CLGN: variants seen among roughly 807,000 people sequenced by gnomAD.
The protein encoded by CLGN is calmegin, also known as testis tissue sperm-binding protein Li 79P.
In CLGN, 62 loss-of-function variants were observed where a neutral mutation model predicts 79.1. That is an observed-to-expected ratio of 0.78 (90% confidence interval 0.64 to 0.97). CLGN has a LOEUF of 0.97. CLGN is among the 50% of genes least tolerant of loss of function. CLGN has a pLI of 0.00. For synonymous variants in CLGN, 225 were observed against 224.7 expected (o/e 1.00, Z -0.01); for missense variants, 647 against 715.5 (o/e 0.90, Z 1.09).
At position 140,396,212 on chromosome 4, in the gene CLGN, A is replaced by G. The variant is rs745489771; in HGVS notation, c.885-7T>C. 2.5e-5 allele frequency: 40 copies of G among 1,594,902 alleles called. No individual in the cohort carries two copies. The highest frequency in any genetic ancestry group is 1.3e-4 in the Admixed American group (8 of 59,944). On this transcript the variant is annotated splice_polypyrimidine_tract_variant and splice_region_variant and intron_variant, in intron 8 of 14. Transcript: ENST00000325617. Reference sequence around the variant, plus strand: ...GGCAGGTTCACTTTCATCCCTGTAAATACAACGTTTTATATTACTAATTAT... The same window carrying G: ...GGCAGGTTCACTTTCATCCCTGTAAGTACAACGTTTTATATTACTAATTAT...
At chr4:140,391,279 C>T (rs1027801267) in intron 13 of CLGN, among the ~76,000 whole-genome samples, 3 of 151,712 alleles carry the variant, frequency 2.0e-5, no homozygotes, top group Admixed American at 6.6e-5. Context: ...ACTTCTTCTA[C>T]GTAGTTCCAA....
chr4:140,412,885 A>G (rs1435963152), intron 2 of CLGN, 50 bp downstream of exon 2: 1 of 1,502,124 alleles, frequency 6.7e-7, no homozygotes, highest in South Asian at 1.2e-5. Flanking sequence ...CAATCACTTC[A>G]TTGTACTATG....
intron 1 of CLGN, among the ~76,000 whole-genome samples, chr4:140,419,634 G>C (rs1729423309): frequency 6.6e-6 from 1 of 152,022 alleles, no homozygotes; most frequent in Non-Finnish European, 1.5e-5. Flanking sequence ...AACAAATATA[G>C]GGCTTATTGT....
At chr4:140,395,439 C>T (rs2126615870) in intron 10 of CLGN, among the ~76,000 whole-genome samples, 1 of 152,196 alleles carries the variant, frequency 6.6e-6, no homozygotes, top group Middle Eastern at 3.4e-3. Context: ...AGCCACCGTA[C>T]CTGGCCAAAA....
rs572182415 is a variant in CLGN at position 140,399,134 on chromosome 4, G to T, written c.695-94C>A. ...AATGTAACTACCCTTAACTCCATGG[G>T]TAAAGCTTTTTTCCCAACCAGAAAT... On this transcript the variant is annotated intron_variant, in intron 7 of 14. Transcript: ENST00000325617. The T allele has an allele frequency of 3.7e-5, 38 of 1,025,130 alleles. No homozygotes were observed. The Middle Eastern group carries it at 1.2e-3, about 32-fold the overall frequency. 63.5% of individuals were successfully genotyped at this position (1,025,130 alleles called of 1,614,324 possible).
chr4:140,416,518 A>G (rs1729335655), intron 1 of CLGN, among the ~76,000 whole-genome samples: 1 of 152,146 alleles, frequency 6.6e-6, no homozygotes, highest in Non-Finnish European at 1.5e-5. Context: ...GATAAAGGGG[A>G]TATCACCACT....
intron 5 of CLGN, among the ~76,000 whole-genome samples, chr4:140,405,409 C>T (rs1279664653): frequency 2.0e-5 from 3 of 151,364 alleles, no homozygotes; most frequent in Admixed American, 6.6e-5. Flanking sequence ...TGGTCTCGAT[C>T]TCCTGACCTC....
intron 8 of CLGN, among the ~76,000 whole-genome samples, 164 bp downstream of exon 8, chr4:140,398,682 AGGGAG>A (rs950307933): frequency 3.9e-5 from 6 of 152,202 alleles, no homozygotes; most frequent in African/African-American, 1.4e-4. Flanking sequence ...AAAAAATTAC[AGGGAG>A]GGAAGTGTAA....
Position 140,393,971 on chromosome 4 carries a change from G to T in CLGN, c.1220C>A (p.Ser407Tyr). Residue 407 changes from serine (S) to tyrosine (Y), a missense_variant, in exon 11 of 15, where the codon TCT becomes TAT. By Grantham distance (144) the Ser-to-Tyr change is moderately radical. Coordinates refer to ENST00000325617, the MANE Select transcript of CLGN (RefSeq NM_004362.3). ...AAGCTCTAAACCAAGAGCACTGAAA[G>T]AAGTCAGAAGAAATGGATGATCATC... ...FEDDHPFLLT[S>Y]FSALGLELWS... 3.1e-6 allele frequency: 5 copies of T among 1,613,716 alleles called. No homozygotes were observed. The highest frequency in any genetic ancestry group is 4.2e-6 in the Non-Finnish European group (5 of 1,179,760).
At chr4:140,396,922 T>TATAC (rs1392951564) in intron 8 of CLGN, among the ~76,000 whole-genome samples, 14 of 127,788 alleles carry the variant, frequency 1.1e-4, no homozygotes, top group African/African-American at 4.4e-4. Flanking sequence ...TATATATATA[T>TATAC]ACACATATAT....
chr4:140,392,311 T>A lies in CLGN; in HGVS notation c.1559A>T (p.Glu520Val), dbSNP rs1184914620. Residue 520 changes from glutamate (E) to valine (V), a missense_variant, in exon 13 of 15, where the codon GAG becomes GTG. Transcript: ENST00000325617. ...ICIPQTKGVL[E>V]QEEKEEKAAL... ...TGCTTTCTCTTCCTTTTCTTCTTGC[T>A]CTAGTACTCCTTTTGTTTGTGGTAT... 2 of 1,613,392 alleles carry A rather than the reference T, an allele frequency of 1.2e-6. No individual in the cohort carries two copies. Among genetic ancestry groups the A allele is most frequent in the Non-Finnish European group, 1.7e-6 (2 of 1,179,596 alleles).
In CLGN at chr4:140,425,927, C is replaced by A. The variant is rs576710035; in HGVS notation, c.-10+1610G>T. Among the ~76,000 whole-genome samples, 108 of 152,230 alleles carry A rather than the reference C, an allele frequency of 7.1e-4. 1 individual carries two copies. The highest frequency in any genetic ancestry group is 6.7e-3 in the Admixed American group (102 of 15,294). ...TACAAGCGTGAGCCACCGCGCCGGG[C>A]CTTCTTTCACTCTCAACACACCTAT... On this transcript the variant is annotated intron_variant, in intron 1 of 14. Transcript: ENST00000325617.
chr4:140,393,290 TGTAAG>T (rs976509467), intron 11 of CLGN, among the ~76,000 whole-genome samples: 3 of 152,064 alleles, frequency 2.0e-5, no homozygotes, highest in Admixed American at 6.6e-5. Context: ...AGGAACCAAA[TGTAAG>T]GTAAGAATTT....
rs563749980 is a variant in CLGN at position 140,418,885 on chromosome 4, T to C, written c.-9-5798A>G. Among the ~76,000 whole-genome samples, 182 of 152,232 alleles carry C rather than the reference T, an allele frequency of 1.2e-3. 1 individual carries two copies. Among genetic ancestry groups the C allele is most frequent in the Middle Eastern group, 3.4e-3 (1 of 294 alleles). ...CCCAAAGGACTCTAAATCATGCTGCTATAAAGACTCATGCACACGTATGTT... is the reference window on the plus strand; with the variant it reads ...CCCAAAGGACTCTAAATCATGCTGCCATAAAGACTCATGCACACGTATGTT... On this transcript the variant is annotated intron_variant, in intron 1 of 14. Coordinates refer to ENST00000325617, the MANE Select transcript of CLGN (RefSeq NM_004362.3).
In CLGN at chr4:140,390,705, T is replaced by C. The variant is rs202235605; in HGVS notation, c.1675A>G (p.Lys559Glu). The C allele has an allele frequency of 1.2e-5, 20 of 1,603,670 alleles. No individual in the cohort carries two copies. In the East Asian group the frequency reaches 4.1e-4, roughly 33 times the overall value. ...ATGATTTCAATTTCTTCTTCACTCTTTTCCTCAGGTTCACTTTCCTCTTCT... is the reference window on the plus strand; with the variant it reads ...ATGATTTCAATTTCTTCTTCACTCTCTTCCTCAGGTTCACTTTCCTCTTCT... ...EKEEESEPEE[K>E]SEEEIEIIEG... Residue 559 changes from lysine (K) to glutamate (E), a missense_variant, in exon 14 of 15, where the codon AAG becomes GAG. Coordinates refer to ENST00000325617, the MANE Select transcript of CLGN (RefSeq NM_004362.3).
chr4:140,422,957 G>A (rs1161586388), intron 1 of CLGN, among the ~76,000 whole-genome samples: 2 of 152,128 alleles, frequency 1.3e-5, no homozygotes, highest in Non-Finnish European at 2.9e-5. Flanking sequence ...TTGTGTTCGT[G>A]AAATCTTTAG....
intron 8 of CLGN, among the ~76,000 whole-genome samples, chr4:140,396,874 C>CATATATATATATATATATGT (rs759900454): frequency 6.4e-5 from 7 of 109,538 alleles, no homozygotes; most frequent in Admixed American, 2.1e-4. Context: ...TATATATATA[C>CATATATATATATATATATGT]ATATATATAT....
In CLGN at chr4:140,409,836, C is replaced by A. The variant is rs1729178003; in HGVS notation, c.277+1G>T. On this transcript the variant is annotated splice_donor_variant, in intron 4 of 14. Transcript: ENST00000325617. LOFTEE classifies it high-confidence loss of function. ...ATCTAATACTTAAATAAATATTTTA[C>A]CATCGTATATTGAAATTTCCTCATC... 7.0e-6 allele frequency: 11 copies of A among 1,569,234 alleles called. No individual in the cohort carries two copies. Among genetic ancestry groups the A allele is most frequent in the Non-Finnish European group, 7.9e-6 (9 of 1,144,288 alleles).
In CLGN at chr4:140,395,879, T is replaced by C; in HGVS notation, c.1089A>G (p.Ile363Met). ...ATACTCCTTTGTATTTTGGGTTATC[T>C]ATCATGGGAGGTTTCCACTCACCAC... is the stretch of plus-strand genomic sequence containing the variant. ...IGCGEWKPPM[I>M]DNPKYKGVWR... The change falls in exon 10 of 15, where the codon ATA becomes ATG. Residue 363 changes from isoleucine to methionine, a missense_variant. Coordinates refer to ENST00000325617, the MANE Select transcript of CLGN (RefSeq NM_004362.3). 1 of 1,595,886 alleles carries C rather than the reference T, an allele frequency of 6.3e-7. No homozygotes were observed. Among genetic ancestry groups the C allele is most frequent in the Non-Finnish European group, 8.5e-7 (1 of 1,174,156 alleles).
Sources: allele counts gnomAD v4.1 joint callset (sites outside exome capture counted in the v4.1 genomes callset), GRCh38; gene constraint gnomAD v4.1.1; transcripts MANE v1.5; gene names NCBI Gene and HGNC (gene_info 2026-07-23, HGNC 2026-07-21).